NEK1: variants seen among roughly 807,000 people sequenced by gnomAD.
NEK1 encodes NIMA related kinase 1.
A neutral mutation model predicts 182.1 loss-of-function variants in NEK1; 137 were observed. The ratio of observed to expected loss-of-function variants is 0.75; its 90% CI spans 0.65 to 0.87. NEK1 has a LOEUF of 0.87. Among genes scored for constraint, NEK1 ranks in the 40% least tolerant of loss-of-function variants. The pLI, the probability that NEK1 is intolerant of heterozygous loss-of-function variation, is 0.00. For synonymous variants in NEK1, 513 were observed against 492.2 expected (o/e 1.04, Z -0.56); for missense variants, 1,391 against 1,494.4 (o/e 0.93, Z 1.14).
At chr4:169,479,597 G>T in intron 23 of NEK1, 63 bp from the exon 24 acceptor site, 1 of 1,315,516 alleles carries the variant, frequency 7.6e-7, no homozygotes, top group Non-Finnish European at 1.1e-6. Flanking sequence ...AAATAAAATG[G>T]TACCTACCAG....
intron 12 of NEK1, among the ~76,000 whole-genome samples, chr4:169,569,283 T>G (rs1329725808): frequency 1.3e-5 from 2 of 152,218 alleles, no homozygotes; most frequent in Non-Finnish European, 2.9e-5. Flanking sequence ...GATTTTATTT[T>G]TAAAAATGGA....
chr4:169,559,748 G>A (rs1002922010), intron 16 of NEK1, among the ~76,000 whole-genome samples: 1 of 152,134 alleles, frequency 6.6e-6, no homozygotes, highest in Non-Finnish European at 1.5e-5. Flanking sequence ...GGTGACTCAC[G>A]CCTGTAATCC....
At position 169,589,508 on chromosome 4, in the gene NEK1, A is replaced by G; in HGVS notation, c.403T>C (p.Phe135Leu). 1 of 1,494,986 alleles carries G rather than the reference A, an allele frequency of 6.7e-7. No homozygotes were observed. 92.6% of individuals were successfully genotyped at this position (1,494,986 alleles called of 1,614,324 possible). A position where few individuals can be genotyped will look rare whatever the true frequency, so the allele number is the denominator to read the frequency against. The change falls in exon 7 of 36, where the codon TTT (phenylalanine) becomes CTT (leucine). Residue 135 changes from phenylalanine (F) to leucine (L), a missense_variant. Phe to Leu is a conservative substitution (Grantham distance 22). This residue lies in a region of NEK1 where 116 missense variants were observed against 114.5 expected (regional missense o/e 1.01). Coordinates refer to ENST00000507142, the MANE Select transcript of NEK1 (RefSeq NM_001199397.3). The stretch of plus-strand genomic sequence containing the variant: ...TGTACTGTTCCATCTTTAGTTAAAA[A>G]TATGTTCTGTAAAAGACAGGAAAAA... ...LHRDIKSQNI[F>L]LTKDGTVQLG...
chr4:169,572,281 A>G (rs1430278694), intron 12 of NEK1, among the ~76,000 whole-genome samples: 1 of 152,202 alleles, frequency 6.6e-6, no homozygotes, highest in Non-Finnish European at 1.5e-5. Context: ...GACCGTGAAT[A>G]TATTTTGAAG....
At chr4:169,528,880 C>T (rs1757274304) in intron 19 of NEK1, among the ~76,000 whole-genome samples, 1 of 151,884 alleles carries the variant, frequency 6.6e-6, no homozygotes, top group African/African-American at 2.4e-5. Context: ...AAGTACAAAC[C>T]CTAACAAACG....
rs1344977613 is a variant in NEK1 at position 169,394,884 on chromosome 4, A to T, written c.3848-361T>A. ...TGGAAAGGTGGATACATAAGTGATA[A>T]TGTAAGATTAGAAAATGCTAATGTT... On this transcript the variant is annotated intron_variant, in intron 35 of 35. Transcript: ENST00000507142. Among the ~76,000 whole-genome samples the T allele has an allele frequency of 2.0e-5, 3 of 152,232 alleles. No individual in the cohort carries two copies. In the South Asian group the frequency reaches 6.2e-4, roughly 32 times the overall value.
chr4:169,455,724 G>A (rs535899914), intron 27 of NEK1, among the ~76,000 whole-genome samples: 5 of 152,098 alleles, frequency 3.3e-5, no homozygotes, highest in African/African-American at 1.2e-4. Flanking sequence ...GCAGAAAATC[G>A]ACATAGAAAC....
intron 12 of NEK1, among the ~76,000 whole-genome samples, chr4:169,571,836 C>T (rs2150009120): frequency 6.6e-6 from 1 of 152,078 alleles, no homozygotes; most frequent in Middle Eastern, 3.4e-3. Flanking sequence ...TCAAGCAATT[C>T]TCCTACCTCA....
chr4:169,400,458 T>C (rs751517720), intron 34 of NEK1, 63 bp downstream of exon 34: 8 of 1,508,814 alleles, frequency 5.3e-6, no homozygotes, highest in East Asian at 2.3e-5. Context: ...ATACAGATTA[T>C]CAACATTTCT....
At chr4:169,564,644 T>G (rs1250767344) in intron 12 of NEK1, among the ~76,000 whole-genome samples, 1 of 152,098 alleles carries the variant, frequency 6.6e-6, no homozygotes, top group Non-Finnish European at 1.5e-5. Context: ...CTGAAAACAA[T>G]TCAAGAGGAT....
intron 19 of NEK1, 25 bp downstream of exon 19, chr4:169,537,784 T>C (rs550158716): frequency 1.3e-6 from 2 of 1,561,546 alleles, no homozygotes; most frequent in African/African-American, 1.4e-5. Flanking sequence ...ACATTCAAAA[T>C]CTCAGAAACA....
intron 16 of NEK1, among the ~76,000 whole-genome samples, chr4:169,559,241 C>A (rs1235897779): frequency 1.3e-5 from 2 of 152,064 alleles, no homozygotes; most frequent in African/African-American, 2.4e-5. Flanking sequence ...AATAAATCAT[C>A]AAAACTTCAG....
intron 10 of NEK1, among the ~76,000 whole-genome samples, chr4:169,584,631 T>A (rs1431384241): frequency 4.6e-5 from 7 of 152,088 alleles, no homozygotes; most frequent in Non-Finnish European, 8.8e-5. Context: ...TTAAAAAAAA[T>A]TTGTATTAGT....
At chr4:169,480,906 T>C (rs1747879117) in intron 23 of NEK1, among the ~76,000 whole-genome samples, 1 of 152,214 alleles carries the variant, frequency 6.6e-6, no homozygotes, top group Non-Finnish European at 1.5e-5. Flanking sequence ...CAGCATGTGA[T>C]GCTGTTGCAT....
intron 23 of NEK1, among the ~76,000 whole-genome samples, chr4:169,490,762 T>C (rs560919908): frequency 2.0e-5 from 3 of 151,728 alleles, no homozygotes; most frequent in African/African-American, 7.3e-5. Flanking sequence ...TCTTTTGAAG[T>C]TGCCCAGATA....
At chr4:169,431,736 C>G (rs1737480538) in intron 29 of NEK1, among the ~76,000 whole-genome samples, 1 of 150,932 alleles carries the variant, frequency 6.6e-6, no homozygotes, top group South Asian at 2.1e-4. Flanking sequence ...TGAGATCAAC[C>G]TGGGCACCAA....
At chr4:169,581,040 A>T (rs1407908119) in intron 10 of NEK1, 138 bp from the exon 11 acceptor site, 74 of 23,348 alleles carry the variant, frequency 3.2e-3, no homozygotes, top group Non-Finnish European at 4.0e-3. Flanking sequence ...CCAAGTTGTT[A>T]AAAAAAAAAA....
chr4:169,472,166 C>CA lies in NEK1; in HGVS notation c.2434+4957dup, dbSNP rs200006056. On this transcript the variant is annotated intron_variant, in intron 26 of 35. Coordinates refer to ENST00000507142, the MANE Select transcript of NEK1 (RefSeq NM_001199397.3). ...CCAGGTGCCACTGAGGTACAAAAAA[C>CA]AAAAAAAACAAAAAAAAACAAAAAA... Among the ~76,000 whole-genome samples, 1,168 of 150,208 alleles carry CA rather than the reference C, an allele frequency of 7.8e-3. 10 individuals are homozygous for CA. Among genetic ancestry groups the CA allele is most frequent in the East Asian group, 0.05 (256 of 5,082 alleles).
intron 23 of NEK1, among the ~76,000 whole-genome samples, chr4:169,497,925 T>A (rs557909896): frequency 3.6e-4 from 55 of 152,124 alleles, no homozygotes; most frequent in Non-Finnish European, 7.7e-4. Flanking sequence ...TCAGGTCCCC[T>A]TGGTGCAGAG....
Sources: gnomAD v4.1 joint callset for allele counts (sites outside exome capture counted in the v4.1 genomes callset) on GRCh38, gnomAD v4.1.1 for gene constraint, gnomAD v4.1.1 regional missense constraint, MANE v1.5 for transcripts, NCBI Gene and HGNC (gene_info 2026-07-23, HGNC 2026-07-21) for gene names.